The following FAP variants were observed in gnomAD, a reference collection of about 807,000 sequenced individuals.
FAP encodes fibroblast activation protein alpha.
Under a neutral mutation model 126.5 loss-of-function variants are expected in FAP, and 110 were observed. The observed-to-expected ratio is 0.87, with a 90% CI of 0.74 to 1.02. The LOEUF is 1.02. FAP is among the 50% of genes least tolerant of loss of function. The pLI, the probability that FAP is intolerant of heterozygous loss-of-function variation, is 0.00. For synonymous variants in FAP, 334 were observed against 297.3 expected (o/e 1.12, Z -1.27); for missense variants, 919 against 909.2 (o/e 1.01, Z -0.14).
intron 4 of FAP, 124 bp from the exon 5 acceptor site, chr2:162,224,664 G>GA (rs1689561189): frequency 7.8e-6 from 4 of 512,924 alleles, no homozygotes; most frequent in Admixed American, 7.8e-5. Context: ...CAATGCAATT[G>GA]AAAAAAATAT....
chr2:162,203,434 T>C (rs1253027311), intron 12 of FAP, among the ~76,000 whole-genome samples: 1 of 152,218 alleles, frequency 6.6e-6, no homozygotes, highest in East Asian at 1.9e-4. Context: ...TTATGTGGTT[T>C]GAAACGGAGT....
chr2:162,172,999 C>G (rs1406499612), intron 24 of FAP, 115 bp from the exon 25 acceptor site: 43 of 1,104,408 alleles, frequency 3.9e-5, no homozygotes, highest in Non-Finnish European at 5.8e-5. Context: ...TTGACATTGT[C>G]AGCAGTGAGT....
rs540123810 is a variant in FAP at position 162,186,916 on chromosome 2, T to G, written c.1814+1253A>C. Reference sequence around the variant, plus strand: ...GAACTATCTCCTCCAAACAAGTGAATAGTTGAAAGGCCAAAAGTCTGAGTC... The same window carrying G: ...GAACTATCTCCTCCAAACAAGTGAAGAGTTGAAAGGCCAAAAGTCTGAGTC... On this transcript the variant is annotated intron_variant, in intron 20 of 25. Transcript: ENST00000188790. Among the ~76,000 whole-genome samples the G allele has an allele frequency of 3.3e-5, 5 of 152,154 alleles. No homozygotes were observed. In the South Asian group the frequency reaches 1.0e-3, roughly 32 times the overall value.
chr2:162,181,170 A>G (rs2300752), intron 21 of FAP, among the ~76,000 whole-genome samples: 17,798 of 151,920 alleles, frequency 0.12, 2,308 homozygotes, highest in African/African-American at 0.27. Flanking sequence ...CCAGCTACTC[A>G]GGAGGCTGAG....
chr2:162,242,063 A>G (rs1238152002), intron 2 of FAP, among the ~76,000 whole-genome samples: 1 of 152,138 alleles, frequency 6.6e-6, no homozygotes, highest in Admixed American at 6.5e-5. Flanking sequence ...TGTTATCATA[A>G]ACTTTTAGTA....
chr2:162,188,029 T>G, intron 20 of FAP, 140 bp downstream of exon 20: 1 of 648,672 alleles, frequency 1.5e-6, no homozygotes, highest in Non-Finnish European at 2.6e-6. Flanking sequence ...CAGAAATACC[T>G]CTTTAAGATT....
chr2:162,209,057 A>G (rs1688822094), intron 12 of FAP, among the ~76,000 whole-genome samples: 1 of 152,210 alleles, frequency 6.6e-6, no homozygotes, highest in South Asian at 2.1e-4. Flanking sequence ...ATCACTTTAC[A>G]GTTTATCTTC....
At chr2:162,186,996 A>G (rs1355916045) in intron 20 of FAP, among the ~76,000 whole-genome samples, 2 of 152,096 alleles carry the variant, frequency 1.3e-5, no homozygotes, top group African/African-American at 4.8e-5. Context: ...TTTTAGTGTT[A>G]GTAACCTACT....
At chr2:162,217,333 A>T (rs1689193434) in intron 9 of FAP, among the ~76,000 whole-genome samples, 1 of 152,152 alleles carries the variant, frequency 6.6e-6, no homozygotes, top group South Asian at 2.1e-4. Flanking sequence ...ATTTTTTCTG[A>T]TATCATTTTT....
chr2:162,186,914 A>T (rs549065778), intron 20 of FAP, among the ~76,000 whole-genome samples: 3 of 152,048 alleles, frequency 2.0e-5, no homozygotes, highest in Non-Finnish European at 4.4e-5. Flanking sequence ...CAAACAAGTG[A>T]ATAGTTGAAA....
At chr2:162,183,710 A>G (rs552876056) in intron 20 of FAP, 7 of 367,478 alleles carry the variant, frequency 1.9e-5, no homozygotes, top group African/African-American at 6.4e-5. Context: ...TCAGAGCGGT[A>G]TAAGGCCTTG....
In FAP at chr2:162,173,930, T is replaced by C. The variant is rs1015249964; in HGVS notation, c.1970-143A>G. On this transcript the variant is annotated intron_variant, in intron 22 of 25. Coordinates refer to ENST00000188790, the MANE Select transcript of FAP (RefSeq NM_004460.5). ...AAATTCTTGCTTTACTTTGCTATAA[T>C]GGTTGGCCTCAAAGAATATGTGTCA... 1.2e-5 allele frequency: 8 copies of C among 663,358 alleles called. No individual in the cohort carries two copies. In the African/African-American group the frequency reaches 1.4e-4, roughly 12 times the overall value. The allele number at this position is 663,358 out of a possible 1,614,324, so 41.1% of individuals were successfully genotyped here. A position where few individuals can be genotyped will look rare whatever the true frequency, so the allele number is the denominator to read the frequency against.
chr2:162,239,336 C>G (rs1243782211), intron 2 of FAP, among the ~76,000 whole-genome samples: 1 of 152,056 alleles, frequency 6.6e-6, no homozygotes, highest in African/African-American at 2.4e-5. Flanking sequence ...CACAGCCACC[C>G]ACCCTTTCCT....
chr2:162,201,147 A>T (rs1307873800), intron 14 of FAP, among the ~76,000 whole-genome samples: 1 of 152,200 alleles, frequency 6.6e-6, no homozygotes, highest in Non-Finnish European at 1.5e-5. Flanking sequence ...TCTGATTCCA[A>T]CCTGTCTTAA....
chr2:162,241,893 G>GA (rs1690366640), intron 2 of FAP, among the ~76,000 whole-genome samples: 1 of 152,072 alleles, frequency 6.6e-6, no homozygotes, highest in Non-Finnish European at 1.5e-5. Flanking sequence ...GTAATTCTGT[G>GA]AAAATCTCAT....
chr2:162,237,376 C>T (rs758761529), intron 2 of FAP, among the ~76,000 whole-genome samples: 5 of 152,156 alleles, frequency 3.3e-5, no homozygotes, highest in Non-Finnish European at 7.3e-5. Context: ...CCTAGTCCCC[C>T]GACCCCCCAA....
intron 18 of FAP, 99 bp downstream of exon 18, chr2:162,189,557 C>G: frequency 3.1e-6 from 2 of 652,620 alleles, no homozygotes; most frequent in South Asian, 1.8e-5. Context: ...ATTAATAGAT[C>G]GCAGAATTTG....
intron 21 of FAP, among the ~76,000 whole-genome samples, chr2:162,182,239 T>C (rs1444169394): frequency 6.6e-6 from 1 of 152,216 alleles, no homozygotes; most frequent in Non-Finnish European, 1.5e-5. Flanking sequence ...TTTATGGTTA[T>C]TTCAAAGCCT....
intron 24 of FAP, 29 bp downstream of exon 24, chr2:162,173,120 T>C: frequency 6.3e-7 from 1 of 1,584,834 alleles, no homozygotes. Context: ...TCAGTATTTT[T>C]ATGTGTAAGA....
Sources: gnomAD v4.1 joint callset for allele counts (sites outside exome capture counted in the v4.1 genomes callset) on GRCh38, gnomAD v4.1.1 for gene constraint, MANE v1.5 for transcripts, NCBI Gene and HGNC (gene_info 2026-07-23, HGNC 2026-07-21) for gene names.